The following SOX4 variants were observed in gnomAD, a reference collection of about 807,000 sequenced individuals.
SOX4 encodes the protein transcription factor SOX-4.
For synonymous variants in SOX4, 465 were observed against 348.4 expected (o/e 1.33, Z -3.73); for missense variants, 662 against 694.9 (o/e 0.95, Z 0.53).
rs1763207752 is a variant in SOX4 at position 21,598,002 on chromosome 6, T to G, written c.*2043T>G. The G allele has an allele frequency of 6.0e-6, 1 of 167,110 alleles. No individual in the cohort carries two copies. 10.4% of individuals were successfully genotyped at this position (167,110 alleles called of 1,614,324 possible). A position where few individuals can be genotyped will look rare whatever the true frequency, so the allele number is the denominator to read the frequency against. On this transcript the variant is annotated 3_prime_UTR_variant, in exon 1 of 1. Coordinates refer to ENST00000244745, the MANE Select transcript of SOX4 (RefSeq NM_003107.3). ...CTCTGTCCAGAGGCTTTAAAACTGGTGCAATTACAGCAAAAAGGGATTCTG... is the reference window on the plus strand; with the variant it reads ...CTCTGTCCAGAGGCTTTAAAACTGGGGCAATTACAGCAAAAAGGGATTCTG...
Position 21,595,168 on chromosome 6 carries a change from A to C in SOX4, c.634A>C (p.Ser212Arg). Residue 212 changes from serine (S) to arginine (R), a missense_variant, in exon 1 of 1, where the codon AGC (serine) becomes CGC (arginine). Physicochemically the swap from Ser to Arg is moderately radical, Grantham distance 110. Coordinates refer to ENST00000244745, the MANE Select transcript of SOX4 (RefSeq NM_003107.3). ...KVAGGAGGGVSKPHAKLILAG... is the reference protein window; with the variant it reads ...KVAGGAGGGVRKPHAKLILAG... ...GGCGGGCGGCGCGGGCGGTGGGGTTAGCAAACCGCACGCCAAGCTCATCCT... is the reference window on the plus strand; with the variant it reads ...GGCGGGCGGCGCGGGCGGTGGGGTTCGCAAACCGCACGCCAAGCTCATCCT... 7.7e-7 allele frequency: 1 copy of C among 1,301,800 alleles called. No homozygotes were observed. The highest frequency in any genetic ancestry group is 9.7e-7 in the Non-Finnish European group (1 of 1,033,864). The allele number at this position is 1,301,800 out of a possible 1,614,324, so 80.6% of individuals were successfully genotyped here. A position where few individuals can be genotyped will look rare whatever the true frequency, so the allele number is the denominator to read the frequency against.
At position 21,595,615 on chromosome 6, in the gene SOX4, T is replaced by C. The variant is rs1327112776; in HGVS notation, c.1081T>C (p.Tyr361His). The C allele has an allele frequency of 1.6e-6, 2 of 1,287,214 alleles. No individual in the cohort carries two copies. The highest frequency in any genetic ancestry group is 3.1e-5 in the East Asian group (1 of 32,032). The allele number at this position is 1,287,214 out of a possible 1,614,324, so 79.7% of individuals were successfully genotyped here. A position where few individuals can be genotyped will look rare whatever the true frequency, so the allele number is the denominator to read the frequency against. ...CCGCTCGCCCGCCGACCACCGCGGC[T>C]ACGCCAGCCTGCGCGCCGCCTCGCC... The part of the protein sequence containing the change: ...AGRSPADHRG[Y>H]ASLRAASPAP... Residue 361 changes from tyrosine (Y) to histidine (H), a missense_variant, in exon 1 of 1, where the codon TAC (tyrosine) becomes CAC (histidine). Coordinates refer to ENST00000244745, the MANE Select transcript of SOX4 (RefSeq NM_003107.3).
chr6:21,596,742 C>G lies in SOX4; in HGVS notation c.*783C>G, dbSNP rs545207747. ...CCCGTTGGAAGCGCAGCAGCGGGAG[C>G]TAGGGGCGGGGGCGGAGGAGGACAC... On this transcript the variant is annotated 3_prime_UTR_variant, in exon 1 of 1. Transcript: ENST00000244745. The G allele has an allele frequency of 6.0e-6, 1 of 167,150 alleles. No individual in the cohort carries two copies. The highest frequency in any genetic ancestry group is 2.1e-4 in the South Asian group (1 of 4,814). The allele number at this position is 167,150 out of a possible 1,614,324, so 10.4% of individuals were successfully genotyped here.
At position 21,593,835 on chromosome 6, in the gene SOX4, A is replaced by G. The variant is rs1336467221; in HGVS notation, c.-700A>G. 1 of 152,272 alleles carries G rather than the reference A, an allele frequency of 6.6e-6. No homozygotes were observed. Among genetic ancestry groups the G allele is most frequent in the Admixed American group, 6.5e-5 (1 of 15,268 alleles). 9.4% of individuals were successfully genotyped at this position (152,272 alleles called of 1,614,324 possible). A position where few individuals can be genotyped will look rare whatever the true frequency, so the allele number is the denominator to read the frequency against. The stretch of plus-strand genomic sequence containing the variant: ...GTCTCTAGTTCTTGCACGCTCTTTA[A>G]GAGTCTGCACTGGAGGAACTCCTGC... On this transcript the variant is annotated 5_prime_UTR_variant, in exon 1 of 1. Transcript: ENST00000244745.
At position 21,596,991 on chromosome 6, in the gene SOX4, GAAA is replaced by G. The variant is rs796750510; in HGVS notation, c.*1040_*1042del. 6 of 158,026 alleles carry G rather than the reference GAAA, an allele frequency of 3.8e-5. No homozygotes were observed. The East Asian group carries it at 7.9e-4, about 21-fold the overall frequency. The allele number at this position is 158,026 out of a possible 1,614,324, so 9.8% of individuals were successfully genotyped here. ...AAAAAAAGAAAAAAAGAAAAAAAAA[GAAA>G]AAAAAAAGATTTTTTTCTTCTCTTA... On this transcript the variant is annotated 3_prime_UTR_variant, in exon 1 of 1. Coordinates refer to ENST00000244745, the MANE Select transcript of SOX4 (RefSeq NM_003107.3).
rs1253285154 is a variant in SOX4 at position 21,598,031 on chromosome 6, C to G, written c.*2072C>G. On this transcript the variant is annotated 3_prime_UTR_variant, in exon 1 of 1. Coordinates refer to ENST00000244745, the MANE Select transcript of SOX4 (RefSeq NM_003107.3). Reference sequence around the variant, plus strand: ...ATTACAGCAAAAAGGGATTCTGTAGCTTTAACTTGTAAACCACATCTTTTT... The same window carrying G: ...ATTACAGCAAAAAGGGATTCTGTAGGTTTAACTTGTAAACCACATCTTTTT... The G allele has an allele frequency of 3.0e-5, 5 of 167,102 alleles. No homozygotes were observed. Among genetic ancestry groups the G allele is most frequent in the Non-Finnish European group, 2.9e-5 (2 of 68,118 alleles). 10.4% of individuals were successfully genotyped at this position (167,102 alleles called of 1,614,324 possible).
chr6:21,596,929 C>T lies in SOX4; in HGVS notation c.*970C>T, dbSNP rs569063799. ...GGAGAGGAGACTGTTTGATGTGGTACAGGGGCAGTCAGTGGAGGGCGAGTG... is the reference window on the plus strand; with the variant it reads ...GGAGAGGAGACTGTTTGATGTGGTATAGGGGCAGTCAGTGGAGGGCGAGTG... On this transcript the variant is annotated 3_prime_UTR_variant, in exon 1 of 1. Coordinates refer to ENST00000244745, the MANE Select transcript of SOX4 (RefSeq NM_003107.3). 2.0e-4 allele frequency: 29 copies of T among 146,340 alleles called. No homozygotes were observed. In the Middle Eastern group the frequency reaches 0.014, roughly 69 times the overall value. The allele number at this position is 146,340 out of a possible 1,614,324, so 9.1% of individuals were successfully genotyped here. A position where few individuals can be genotyped will look rare whatever the true frequency, so the allele number is the denominator to read the frequency against.
At position 21,594,446 on chromosome 6, in the gene SOX4, C is replaced by T. The variant is rs1030073879; in HGVS notation, c.-89C>T. On this transcript the variant is annotated 5_prime_UTR_variant, in exon 1 of 1. Coordinates refer to ENST00000244745, the MANE Select transcript of SOX4 (RefSeq NM_003107.3). Reference sequence around the variant, plus strand: ...CGCGCGTCTTCCCGTTCGGCGTGTGCTTGGCCCGGGGAACCGGGAGGGCCC... The same window carrying T: ...CGCGCGTCTTCCCGTTCGGCGTGTGTTTGGCCCGGGGAACCGGGAGGGCCC... 3.0e-6 allele frequency: 4 copies of T among 1,337,378 alleles called. No individual in the cohort carries two copies. Among genetic ancestry groups the T allele is most frequent in the Non-Finnish European group, 2.9e-6 (3 of 1,052,554 alleles). The allele number at this position is 1,337,378 out of a possible 1,614,324, so 82.8% of individuals were successfully genotyped here.
chr6:21,595,309 C>T lies in SOX4; in HGVS notation c.775C>T (p.Leu259=). 2 of 1,461,966 alleles carry T rather than the reference C, an allele frequency of 1.4e-6. No homozygotes were observed. Among genetic ancestry groups the T allele is most frequent in the Non-Finnish European group, 1.8e-6 (2 of 1,110,940 alleles). 90.6% of individuals were successfully genotyped at this position (1,461,966 alleles called of 1,614,324 possible). ...PLGAAADHHS[L]YKARTPSASA... ...GGGCGCCGCCGCCGACCACCACTCG[C>T]TGTACAAGGCGCGGACTCCCAGCGC... Residue 259 remains leucine, a synonymous_variant, in exon 1 of 1, where the codon CTG becomes TTG. Coordinates refer to ENST00000244745, the MANE Select transcript of SOX4 (RefSeq NM_003107.3).
chr6:21,597,425 C>T lies in SOX4; in HGVS notation c.*1466C>T, dbSNP rs1261018524. 6.0e-6 allele frequency: 1 copy of T among 165,920 alleles called. No individual in the cohort carries two copies. Among genetic ancestry groups the T allele is most frequent in the Non-Finnish European group, 1.5e-5 (1 of 67,964 alleles). 10.3% of individuals were successfully genotyped at this position (165,920 alleles called of 1,614,324 possible). On this transcript the variant is annotated 3_prime_UTR_variant, in exon 1 of 1. Coordinates refer to ENST00000244745, the MANE Select transcript of SOX4 (RefSeq NM_003107.3). ...TTATATGTGGACGTATTTATACTGGCCAAACATATTTTTTCTTTTGTCCCT... is the reference window on the plus strand; with the variant it reads ...TTATATGTGGACGTATTTATACTGGTCAAACATATTTTTTCTTTTGTCCCT...
rs1763096261 is a variant in SOX4 at position 21,594,607 on chromosome 6, G to A, written c.73G>A (p.Gly25Ser). 1.9e-6 allele frequency: 3 copies of A among 1,608,594 alleles called. No individual in the cohort carries two copies. The highest frequency in any genetic ancestry group is 2.5e-6 in the Non-Finnish European group (3 of 1,178,466). ...LAGESSDSGAGLELGIASSPT... is the reference protein window; with the variant it reads ...LAGESSDSGASLELGIASSPT... The stretch of plus-strand genomic sequence containing the variant: ...CGGCGAGAGCTCGGACTCGGGCGCC[G>A]GCCTCGAGCTGGGAATCGCCTCCTC... The change falls in exon 1 of 1, where the codon GGC becomes AGC. Residue 25 changes from glycine to serine, a missense_variant. Physicochemically the swap from Gly to Ser is moderately conservative, Grantham distance 56. Transcript: ENST00000244745.
chr6:21,595,478 G>A lies in SOX4; in HGVS notation c.944G>A (p.Gly315Glu), dbSNP rs768554531. The part of the protein sequence containing the change: ...SSSPVGGVGA[G>E]ADPSDPLGLY... Reference sequence around the variant, plus strand: ...TCGCCCGTGGGCGGCGTGGGCGCGGGAGCCGACCCCAGCGACCCCCTGGGC... The same window carrying A: ...TCGCCCGTGGGCGGCGTGGGCGCGGAAGCCGACCCCAGCGACCCCCTGGGC... The change falls in exon 1 of 1, where the codon GGA (glycine) becomes GAA (glutamate). Residue 315 changes from glycine to glutamate, a missense_variant. Transcript: ENST00000244745. The A allele has an allele frequency of 6.9e-7, 1 of 1,443,278 alleles. No individual in the cohort carries two copies. The highest frequency in any genetic ancestry group is 1.4e-5 in the South Asian group (1 of 71,290). The allele number at this position is 1,443,278 out of a possible 1,614,324, so 89.4% of individuals were successfully genotyped here.
chr6:21,595,487 C>A lies in SOX4; in HGVS notation c.953C>A (p.Pro318His). Residue 318 changes from proline to histidine, a missense_variant, in exon 1 of 1, where the codon CCC becomes CAC. By Grantham distance (77) the Pro-to-His change is moderately conservative. Coordinates refer to ENST00000244745, the MANE Select transcript of SOX4 (RefSeq NM_003107.3). ...GGCGGCGTGGGCGCGGGAGCCGACC[C>A]CAGCGACCCCCTGGGCCTGTACGAG... is the stretch of plus-strand genomic sequence containing the variant. ...PVGGVGAGAD[P>H]SDPLGLYEEE... 7.0e-7 allele frequency: 1 copy of A among 1,424,698 alleles called. No individual in the cohort carries two copies. The highest frequency in any genetic ancestry group is 1.5e-5 in the African/African-American group (1 of 67,840). The allele number at this position is 1,424,698 out of a possible 1,614,324, so 88.3% of individuals were successfully genotyped here. A position where few individuals can be genotyped will look rare whatever the true frequency, so the allele number is the denominator to read the frequency against.
rs1161112892 is a variant in SOX4 at position 21,596,095 on chromosome 6, T to A, written c.*136T>A. ...GAAAGAAAAAGTAAGCAGGGCTGGCTTCGCCCGCGTTCTCGTCGTCGGATC... is the reference window on the plus strand; with the variant it reads ...GAAAGAAAAAGTAAGCAGGGCTGGCATCGCCCGCGTTCTCGTCGTCGGATC... On this transcript the variant is annotated 3_prime_UTR_variant, in exon 1 of 1. Transcript: ENST00000244745. The A allele has an allele frequency of 7.6e-7, 1 of 1,323,278 alleles. No homozygotes were observed. The highest frequency in any genetic ancestry group is 9.8e-7 in the Non-Finnish European group (1 of 1,020,346). 82.0% of individuals were successfully genotyped at this position (1,323,278 alleles called of 1,614,324 possible). A position where few individuals can be genotyped will look rare whatever the true frequency, so the allele number is the denominator to read the frequency against.
At position 21,595,197 on chromosome 6, in the gene SOX4, A is replaced by AGGC. The variant is rs552547778; in HGVS notation, c.678_680dup (p.Gly227dup). The AGGC allele has an allele frequency of 1.7e-3, 2,044 of 1,196,100 alleles. 4 individuals carry two copies. Among genetic ancestry groups the AGGC allele is most frequent in the Admixed American group, 2.5e-3 (54 of 21,768 alleles). 74.1% of individuals were successfully genotyped at this position (1,196,100 alleles called of 1,614,324 possible). On this transcript the variant is annotated inframe_insertion, in exon 1 of 1. Coordinates refer to ENST00000244745, the MANE Select transcript of SOX4 (RefSeq NM_003107.3). ...AACCGCACGCCAAGCTCATCCTGGCAGGCGGCGGCGGCGGCGGGAAAGCAG... is the reference window on the plus strand; with the variant it reads ...AACCGCACGCCAAGCTCATCCTGGCAGGCGGCGGCGGCGGCGGCGGGAAAGCAG...
In SOX4 at chr6:21,598,200, G is replaced by A. The variant is rs1463455540; in HGVS notation, c.*2241G>A. 6.0e-6 allele frequency: 1 copy of A among 166,884 alleles called. No individual in the cohort carries two copies. Among genetic ancestry groups the A allele is most frequent in the Non-Finnish European group, 1.5e-5 (1 of 68,104 alleles). 10.3% of individuals were successfully genotyped at this position (166,884 alleles called of 1,614,324 possible). A position where few individuals can be genotyped will look rare whatever the true frequency, so the allele number is the denominator to read the frequency against. On this transcript the variant is annotated 3_prime_UTR_variant, in exon 1 of 1. Transcript: ENST00000244745. ...TTTCTACTTGTCGCTAAATATAATT[G>A]TTTTAGTCTTATGGCATGATGATAG...
At position 21,595,537 on chromosome 6, in the gene SOX4, G is replaced by T. The variant is rs764543249; in HGVS notation, c.1003G>T (p.Asp335Tyr). Residue 335 changes from aspartate to tyrosine, a missense_variant, in exon 1 of 1, where the codon GAC (aspartate) becomes TAC (tyrosine). Transcript: ENST00000244745. ...YEEEGAGCSP[D>Y]APSLSGRSSA... Reference sequence around the variant, plus strand: ...GGAGGAGGGCGCGGGCTGCTCGCCCGACGCGCCCAGCCTGAGCGGCCGCAG... The same window carrying T: ...GGAGGAGGGCGCGGGCTGCTCGCCCTACGCGCCCAGCCTGAGCGGCCGCAG... The T allele has an allele frequency of 1.9e-5, 23 of 1,226,890 alleles. No individual in the cohort carries two copies. The highest frequency in any genetic ancestry group is 2.3e-5 in the Non-Finnish European group (23 of 982,564). 76.0% of individuals were successfully genotyped at this position (1,226,890 alleles called of 1,614,324 possible).
Position 21,597,380 on chromosome 6 carries a change from AAATGT to A in SOX4, c.*1425_*1429del, listed in dbSNP as rs1168512454. 1 of 166,858 alleles carries A rather than the reference AAATGT, an allele frequency of 6.0e-6. No homozygotes were observed. Among genetic ancestry groups the A allele is most frequent in the Non-Finnish European group, 1.5e-5 (1 of 68,088 alleles). The allele number at this position is 166,858 out of a possible 1,614,324, so 10.3% of individuals were successfully genotyped here. On this transcript the variant is annotated 3_prime_UTR_variant, in exon 1 of 1. Transcript: ENST00000244745. ...CATCCTCGTATTTCTTTTTCCTTGT[AAATGT>A]AATCAGATGCCATTTTATATGTGGA... is the stretch of plus-strand genomic sequence containing the variant.
In SOX4 at chr6:21,597,912, A is replaced by AG. The variant is rs1763205994; in HGVS notation, c.*1957dup. The AG allele has an allele frequency of 6.0e-6, 1 of 167,088 alleles. No homozygotes were observed. Among genetic ancestry groups the AG allele is most frequent in the Non-Finnish European group, 1.5e-5 (1 of 68,132 alleles). 10.4% of individuals were successfully genotyped at this position (167,088 alleles called of 1,614,324 possible). On this transcript the variant is annotated 3_prime_UTR_variant, in exon 1 of 1. Coordinates refer to ENST00000244745, the MANE Select transcript of SOX4 (RefSeq NM_003107.3). ...ACCCTCCGGCCCCCGTCTTGTAAAA[A>AG]GGGGAGGAGAATTAGCCAAACACTG...
Sources: allele counts gnomAD v4.1 joint callset, GRCh38; gene constraint gnomAD v4.1.1; transcripts MANE v1.5; gene names NCBI Gene and HGNC (gene_info 2026-07-23, HGNC 2026-07-21).